The following PRICKLE2 variants were observed in gnomAD, a reference collection of about 807,000 sequenced individuals.
PRICKLE2 encodes prickle planar cell polarity protein 2, also known as prickle-like protein 2.
Under a neutral mutation model 81.4 loss-of-function variants are expected in PRICKLE2, and 21 were observed. The ratio of observed to expected loss-of-function variants is 0.26; its 90% confidence interval spans 0.18 to 0.37. The LOEUF is 0.37. PRICKLE2 is among the 10% of genes least tolerant of loss of function. PRICKLE2 has a pLI of 1.00. For synonymous variants in PRICKLE2, 456 were observed against 421.5 expected, an observed-to-expected ratio of 1.08 and a Z score of -1.00; for missense variants, 940 against 1,109.0, an observed-to-expected ratio of 0.85 and a Z score of 2.16.
chr3:64,217,656 C>G (rs941490289), intron 1 of PRICKLE2, among the ~76,000 whole-genome samples: 1 of 152,140 alleles, frequency 6.6e-6, no homozygotes. Context: ...GTGTAAATCT[C>G]CTGGGCCAAC....
intron 7 of PRICKLE2, among the ~76,000 whole-genome samples, chr3:64,124,379 G>A (rs1069978): frequency 0.58 from 87,691 of 152,048 alleles, 25,673 homozygotes; most frequent in East Asian, 0.86. Flanking sequence ...GCAACAAGTT[G>A]TCCAGAAGGT....
At chr3:64,258,242 T>G (rs894932393) in intron 2 of PRICKLE2, among the ~76,000 whole-genome samples, 1 of 152,170 alleles carries the variant, frequency 6.6e-6, no homozygotes, top group Admixed American at 6.5e-5. Flanking sequence ...GTCCCAGCAA[T>G]GCATGCACTC....
At position 64,153,594 on chromosome 3, in the gene PRICKLE2, T is replaced by C. The variant is rs1157071184; in HGVS notation, c.601-226A>G. On this transcript the variant is annotated intron_variant, in intron 5 of 7. Coordinates refer to ENST00000638394, the MANE Select transcript of PRICKLE2 (RefSeq NM_198859.4). ...ACATGATTTCTGGCCTAGCCAGTAA[T>C]TAACTTAACCACATTTAATAAGAGA... 5.5e-6 allele frequency: 3 copies of C among 542,794 alleles called. No individual in the cohort carries two copies. In the East Asian group the frequency reaches 9.6e-5, roughly 17 times the overall value. 33.6% of individuals were successfully genotyped at this position (542,794 alleles called of 1,614,324 possible).
chr3:64,217,648 G>A (rs922112384), intron 1 of PRICKLE2, among the ~76,000 whole-genome samples: 2 of 152,204 alleles, frequency 1.3e-5, no homozygotes, highest in Non-Finnish European at 2.9e-5. Context: ...AGCATGTAGT[G>A]TAAATCTCCT....
chr3:64,094,320 G>A lies in PRICKLE2; in HGVS notation c.*4731C>T, dbSNP rs544401873. On this transcript the variant is annotated 3_prime_UTR_variant, in exon 8 of 8. Transcript: ENST00000638394. Reference sequence around the variant, plus strand: ...GGTAGGTTTAAGAACAGACCTTACTGGTAAGTAACTCTCTCTGAAAAATTT... The same window carrying A: ...GGTAGGTTTAAGAACAGACCTTACTAGTAAGTAACTCTCTCTGAAAAATTT... The A allele has an allele frequency of 6.6e-6, 1 of 152,170 alleles. No individual in the cohort carries two copies. Among genetic ancestry groups the A allele is most frequent in the Non-Finnish European group, 1.5e-5 (1 of 68,026 alleles). The allele number at this position is 152,170 out of a possible 1,614,324, so 9.4% of individuals were successfully genotyped here. A position where few individuals can be genotyped will look rare whatever the true frequency, so the allele number is the denominator to read the frequency against.
chr3:64,223,765 G>T (rs942598725), intron 1 of PRICKLE2, among the ~76,000 whole-genome samples: 4 of 152,130 alleles, frequency 2.6e-5, no homozygotes, highest in African/African-American at 9.7e-5. Context: ...AGCCCTTGGG[G>T]ACCCTCATCC....
At chr3:64,138,594 T>C (rs1367036778) in intron 7 of PRICKLE2, among the ~76,000 whole-genome samples, 2 of 152,204 alleles carry the variant, frequency 1.3e-5, no homozygotes, top group East Asian at 1.9e-4. Context: ...GAACTAAAGA[T>C]CTGTGAAGTA....
rs1177384016 is a variant in PRICKLE2, at chr3:64,099,444, C to G, written c.2142G>C (p.Arg714Ser). 6.3e-7 allele frequency: 1 copy of G among 1,586,732 alleles called. No individual in the cohort carries two copies. Among genetic ancestry groups the G allele is most frequent in the Non-Finnish European group, 8.6e-7 (1 of 1,163,468 alleles). ...EREAISRLKD[R>S]PPLRAREDYD... The stretch of plus-strand genomic sequence containing the variant: ...AGTCCTCCCTGGCTCTCAGAGGGGG[C>G]CTATCTTTTAACCGGGAGATGGCCT... Residue 714 changes from arginine (R) to serine (S), a missense_variant, in exon 8 of 8, where the codon AGG becomes AGC. Arg to Ser is a moderately radical substitution (Grantham distance 110). This residue lies in a region of PRICKLE2 where 670 missense variants were observed against 717.2 expected (regional missense o/e 0.93). Transcript: ENST00000638394. The surrounding 1 kb of genome is among the most constrained non-coding windows in gnomAD (Gnocchi z 4.3).
At chr3:64,107,581 C>A (rs1204545388) in intron 7 of PRICKLE2, among the ~76,000 whole-genome samples, 1 of 152,146 alleles carries the variant, frequency 6.6e-6, no homozygotes, top group Non-Finnish European at 1.5e-5. Flanking sequence ...GTGGCTCACT[C>A]CTATAAGCCC....
intron 1 of PRICKLE2, among the ~76,000 whole-genome samples, chr3:64,223,335 C>T (rs1290242870): frequency 6.6e-6 from 1 of 152,172 alleles, no homozygotes; most frequent in African/African-American, 2.4e-5. Context: ...TTGCTCTCTC[C>T]ACTTTACTGG....
Position 64,118,931 on chromosome 3 carries a change from T to C in PRICKLE2, c.1661-19006A>G, listed in dbSNP as rs184445823. ...AGAAAGATGCAGGTGTTTATGTCTA[T>C]TGAGCACTATTCACACTAGCGAAGA... is the stretch of plus-strand genomic sequence containing the variant. On this transcript the variant is annotated intron_variant, in intron 7 of 7. Coordinates refer to ENST00000638394, the MANE Select transcript of PRICKLE2 (RefSeq NM_198859.4). Among the ~76,000 whole-genome samples, 7 of 152,216 alleles carry C rather than the reference T, an allele frequency of 4.6e-5. No individual in the cohort carries two copies. In the East Asian group the frequency reaches 1.4e-3, roughly 29 times the overall value.
intron 7 of PRICKLE2, among the ~76,000 whole-genome samples, chr3:64,138,463 G>A (rs1452100010): frequency 1.3e-5 from 2 of 152,200 alleles, no homozygotes; most frequent in Admixed American, 1.3e-4. Flanking sequence ...GGTCTGCAGT[G>A]ACTGACAGCC....
At chr3:64,167,452 G>T (rs1484019304) in intron 2 of PRICKLE2, among the ~76,000 whole-genome samples, 3 of 152,154 alleles carry the variant, frequency 2.0e-5, no homozygotes, top group Admixed American at 6.5e-5. Context: ...ACAATAAACT[G>T]GCTTATGAAA....
rs962044481 is a variant in PRICKLE2, at chr3:64,148,903, G to A, written c.788-1201C>T. ...GAGGCCACCCAGTCTGTGCTATTCCGTTAAAGCAGTCTCAACAGACTTAGT... is the reference window on the plus strand; with the variant it reads ...GAGGCCACCCAGTCTGTGCTATTCCATTAAAGCAGTCTCAACAGACTTAGT... On this transcript the variant is annotated intron_variant, in intron 6 of 7. Transcript: ENST00000638394. Among the ~76,000 whole-genome samples, 10 of 152,164 alleles carry A rather than the reference G, an allele frequency of 6.6e-5. No individual in the cohort carries two copies. In the East Asian group the frequency reaches 7.7e-4, roughly 12 times the overall value.
rs114466780 is a variant in PRICKLE2 at position 64,114,333 on chromosome 3, G to A, written c.1661-14408C>T. On this transcript the variant is annotated intron_variant, in intron 7 of 7. Transcript: ENST00000638394. ...AGTGCCTTCTTTCCTCCAAACAACCGCATCACCTTTCCAGCAAGGAATCAT... is the reference window on the plus strand; with the variant it reads ...AGTGCCTTCTTTCCTCCAAACAACCACATCACCTTTCCAGCAAGGAATCAT... Among the ~76,000 whole-genome samples the A allele has an allele frequency of 3.5e-3, 531 of 152,196 alleles. 1 individual carries two copies. Among genetic ancestry groups the A allele is most frequent in the African/African-American group, 0.011 (465 of 41,526 alleles).
At chr3:64,191,961 G>A (rs1485441116) in intron 2 of PRICKLE2, among the ~76,000 whole-genome samples, 5 of 152,188 alleles carry the variant, frequency 3.3e-5, no homozygotes. Context: ...CAGAGACTTG[G>A]AGCTGGTGGA....
At chr3:64,110,501 G>T (rs1456146623) in intron 7 of PRICKLE2, among the ~76,000 whole-genome samples, 2 of 152,114 alleles carry the variant, frequency 1.3e-5, no homozygotes, top group Non-Finnish European at 2.9e-5. Flanking sequence ...AGCATAGCAA[G>T]GTGACCGTTA....
chr3:64,232,316 A>G (rs2079116519), intron 2 of PRICKLE2, among the ~76,000 whole-genome samples: 2 of 152,232 alleles, frequency 1.3e-5, no homozygotes, highest in South Asian at 4.1e-4. Flanking sequence ...GTGGCCTGAC[A>G]GCTAATGAAC....
At chr3:64,125,931 T>C (rs1575565919) in intron 7 of PRICKLE2, among the ~76,000 whole-genome samples, 2 of 152,230 alleles carry the variant, frequency 1.3e-5, no homozygotes, top group South Asian at 4.1e-4. Flanking sequence ...AAAAAACAAA[T>C]TACAAAACAT....
Sources: allele counts gnomAD v4.1 joint callset (sites outside exome capture counted in the v4.1 genomes callset), GRCh38; gene constraint gnomAD v4.1.1; regional missense constraint gnomAD v4.1.1; non-coding constraint Gnocchi (gnomAD v3.1); transcripts MANE v1.5; gene names NCBI Gene and HGNC (gene_info 2026-07-23, HGNC 2026-07-21).